Variants in HSPA4 observed in about 807,000 individuals in gnomAD.
The protein encoded by HSPA4 is heat shock 70 kDa protein 4.
In HSPA4, 25 loss-of-function variants were observed where a neutral mutation model predicts 106.2. That is an observed-to-expected ratio of 0.24 (90% CI 0.17 to 0.33). The LOEUF is 0.33. HSPA4 is among the 10% of genes least tolerant of loss of function. HSPA4 has a pLI of 1.00. For synonymous variants in HSPA4, 332 were observed against 333.6 expected (o/e 1.00, Z 0.05); for missense variants, 841 against 996.0 (o/e 0.84, Z 2.10).
chr5:133,067,393 A>T, intron 2 of HSPA4, 24 bp from the exon 3 acceptor site: 1 of 1,586,490 alleles, frequency 6.3e-7, no homozygotes, highest in Non-Finnish European at 8.6e-7. Context: ...TAGTCTTTCC[A>T]CTCTTTGATA....
chr5:133,082,692 C>T (rs1765527242), intron 7 of HSPA4, among the ~76,000 whole-genome samples: 1 of 152,126 alleles, frequency 6.6e-6, no homozygotes, highest in African/African-American at 2.4e-5. Flanking sequence ...TCTCAGATTC[C>T]TGAGCTCGGC....
intron 14 of HSPA4, 83 bp from the exon 15 acceptor site, chr5:133,097,078 G>C (rs1234124751): frequency 1.3e-5 from 15 of 1,127,768 alleles, no homozygotes; most frequent in Non-Finnish European, 1.9e-5. Flanking sequence ...GGAAGAAAGA[G>C]TCTCTACTTT....
chr5:133,079,389 T>C (rs1765487405), intron 7 of HSPA4, among the ~76,000 whole-genome samples: 2 of 152,248 alleles, frequency 1.3e-5, no homozygotes, highest in South Asian at 4.1e-4. Context: ...AGTGTAATCA[T>C]GTAATATGCG....
At chr5:133,059,567 C>T (rs749428681) in intron 1 of HSPA4, among the ~76,000 whole-genome samples, 3 of 151,358 alleles carry the variant, frequency 2.0e-5, no homozygotes, top group African/African-American at 7.3e-5. Context: ...GAGCAGATAT[C>T]GAGCCACTGC....
intron 2 of HSPA4, among the ~76,000 whole-genome samples, 198 bp from the exon 3 acceptor site, chr5:133,067,219 T>C (rs536619800): frequency 1.3e-5 from 2 of 152,304 alleles, no homozygotes; most frequent in South Asian, 2.1e-4. Context: ...GCCCTGCCAC[T>C]CTGAGACCCA....
chr5:133,063,822 C>A (rs1765275331), intron 1 of HSPA4, among the ~76,000 whole-genome samples: 1 of 150,324 alleles, frequency 6.7e-6, no homozygotes, highest in African/African-American at 2.5e-5. Context: ...AGTGCAGTGG[C>A]ACAATCTCGG....
At chr5:133,072,359 C>T (rs1014700460) in intron 4 of HSPA4, among the ~76,000 whole-genome samples, 2 of 150,302 alleles carry the variant, frequency 1.3e-5, no homozygotes, top group Admixed American at 6.6e-5. Flanking sequence ...ATGTCCTCTA[C>T]CACAGGAGTT....
At chr5:133,066,760 GC>G (rs1765312104) in intron 2 of HSPA4, among the ~76,000 whole-genome samples, 1 of 131,916 alleles carries the variant, frequency 7.6e-6, no homozygotes, top group African/African-American at 2.9e-5. Context: ...TTTTGAGAGT[GC>G]AGTTTTTGAG....
chr5:133,064,996 G>C lies in HSPA4; in HGVS notation c.124G>C (p.Gly42Arg), dbSNP rs1181328551. The C allele has an allele frequency of 6.2e-7, 1 of 1,613,458 alleles. No homozygotes were observed. Among genetic ancestry groups the C allele is most frequent in the Non-Finnish European group, 8.5e-7 (1 of 1,179,776 alleles). The change falls in exon 2 of 19, where the codon GGT becomes CGT. Residue 42 changes from glycine (G) to arginine (R), a missense_variant. Transcript: ENST00000304858. ...GTCTTCTAGGGCTTGCATTTCTTTT[G>C]GTCCTAAGAATCGTTCAATTGGAGC... ...DRCTPACISF[G>R]PKNRSIGAAA... is the part of the protein sequence containing the mutation.
chr5:133,093,894 A>T (rs1313238354), intron 13 of HSPA4, among the ~76,000 whole-genome samples: 1 of 150,178 alleles, frequency 6.7e-6, no homozygotes, highest in Admixed American at 6.7e-5. Flanking sequence ...CAGGAGTGAG[A>T]CCAGCCTGGC....
Position 133,052,050 on chromosome 5 carries a change from C to T in HSPA4, c.-201C>T. 2 of 531,476 alleles carry T rather than the reference C, an allele frequency of 3.8e-6. No homozygotes were observed. The highest frequency in any genetic ancestry group is 2.3e-5 in the South Asian group (1 of 43,354). 32.9% of individuals were successfully genotyped at this position (531,476 alleles called of 1,614,324 possible). On this transcript the variant is annotated 5_prime_UTR_variant, in exon 1 of 19. Coordinates refer to ENST00000304858, the MANE Select transcript of HSPA4 (RefSeq NM_002154.4). Reference sequence around the variant, plus strand: ...GCCCCCGCTACCGGCGCCTCCTCTGCGGCCACTGAGCCGGAGCCGGCCTGA... The same window carrying T: ...GCCCCCGCTACCGGCGCCTCCTCTGTGGCCACTGAGCCGGAGCCGGCCTGA...
rs57393822 is a variant in HSPA4, at chr5:133,078,635, CAAAAAAAA to C, written c.908+1752_908+1759del. 8.8e-5 allele frequency among the ~76,000 whole-genome samples: 7 copies of C among 79,596 alleles called. No homozygotes were observed. The South Asian group carries it at 2.9e-3, about 33-fold the overall frequency. The allele number at this position is 79,596 out of a possible 152,430, so 52.2% of individuals were successfully genotyped here. A position where few individuals can be genotyped will look rare whatever the true frequency, so the allele number is the denominator to read the frequency against. ...GGGCAACAAAGTGAGACACTGTCTCCAAAAAAAAAAAAAAAAAAAAAAGTTGTACTGTA... is the reference window on the plus strand; with the variant it reads ...GGGCAACAAAGTGAGACACTGTCTCCAAAAAAAAAAAAAAGTTGTACTGTA... On this transcript the variant is annotated intron_variant, in intron 7 of 18. Transcript: ENST00000304858.
intron 16 of HSPA4, among the ~76,000 whole-genome samples, chr5:133,100,875 G>A (rs943690253): frequency 3.9e-5 from 6 of 152,190 alleles, no homozygotes; most frequent in Middle Eastern, 3.4e-3. Context: ...GTGTTATCAC[G>A]GCTTACTGCA....
At chr5:133,083,732 T>TCTACAGCATCTTGAA (rs1765544924) in intron 7 of HSPA4, among the ~76,000 whole-genome samples, 1 of 152,068 alleles carries the variant, frequency 6.6e-6, no homozygotes, top group Admixed American at 6.6e-5. Context: ...AGATGTTGTT[T>TCTACAGCATCTTGAA]CTCCGTGTTG....
At position 133,106,108 on chromosome 5, in the gene HSPA4, T is replaced by C. The variant is rs878856835; in HGVS notation, c.*1672T>C. On this transcript the variant is annotated 3_prime_UTR_variant, in exon 19 of 19. Transcript: ENST00000304858. ...TCTTCTTAAAAAAAAAAAAATTTTTTTTTTTTTTTTTTTTTTTTTTTTTTT... is the reference window on the plus strand; with the variant it reads ...TCTTCTTAAAAAAAAAAAAATTTTTCTTTTTTTTTTTTTTTTTTTTTTTTT... 17 of 33,888 alleles carry C rather than the reference T, an allele frequency of 5.0e-4. No individual in the cohort carries two copies. The highest frequency in any genetic ancestry group is 3.9e-4 in the Non-Finnish European group (7 of 17,730). The allele number at this position is 33,888 out of a possible 1,614,324, so 2.1% of individuals were successfully genotyped here. A position where few individuals can be genotyped will look rare whatever the true frequency, so the allele number is the denominator to read the frequency against.
At position 133,105,978 on chromosome 5, in the gene HSPA4, T is replaced by C. The variant is rs924619918; in HGVS notation, c.*1542T>C. On this transcript the variant is annotated 3_prime_UTR_variant, in exon 19 of 19. Coordinates refer to ENST00000304858, the MANE Select transcript of HSPA4 (RefSeq NM_002154.4). ...TCCTCTGTTCTCTACCTGTCATGCT[T>C]CAAGAGTTCCAGCTGGCCTGCTGTG... 1 of 151,840 alleles carries C rather than the reference T, an allele frequency of 6.6e-6. No individual in the cohort carries two copies. The highest frequency in any genetic ancestry group is 6.6e-5 in the Admixed American group (1 of 15,242). The allele number at this position is 151,840 out of a possible 1,614,324, so 9.4% of individuals were successfully genotyped here. A position where few individuals can be genotyped will look rare whatever the true frequency, so the allele number is the denominator to read the frequency against.
At chr5:133,080,429 A>C (rs1206807952) in intron 7 of HSPA4, among the ~76,000 whole-genome samples, 1 of 151,246 alleles carries the variant, frequency 6.6e-6, no homozygotes. Flanking sequence ...AAAAAAAAAA[A>C]AAAAAAAAAA....
At position 133,084,055 on chromosome 5, in the gene HSPA4, C is replaced by T. The variant is rs1765548656; in HGVS notation, c.909-2727C>T. ...TCAACATACACATATATCTTTGTAACTAATGCCATTATTATGAAATAGACC... is the reference window on the plus strand; with the variant it reads ...TCAACATACACATATATCTTTGTAATTAATGCCATTATTATGAAATAGACC... On this transcript the variant is annotated intron_variant, in intron 7 of 18. Coordinates refer to ENST00000304858, the MANE Select transcript of HSPA4 (RefSeq NM_002154.4). Among the ~76,000 whole-genome samples the T allele has an allele frequency of 3.3e-5, 5 of 152,240 alleles. No individual in the cohort carries two copies. In the South Asian group the frequency reaches 1.0e-3, roughly 32 times the overall value.
chr5:133,058,941 A>G (rs1393227527), intron 1 of HSPA4, among the ~76,000 whole-genome samples: 2 of 151,932 alleles, frequency 1.3e-5, no homozygotes, highest in Non-Finnish European at 2.9e-5. Flanking sequence ...CAGCCTGGCC[A>G]GTATGCTGAA....
Sources: gnomAD v4.1 joint callset for allele counts (sites outside exome capture counted in the v4.1 genomes callset) on GRCh38, gnomAD v4.1.1 for gene constraint, MANE v1.5 for transcripts, NCBI Gene and HGNC (gene_info 2026-07-23, HGNC 2026-07-21) for gene names.